PCSK2: variants seen among roughly 807,000 people sequenced by gnomAD.
PCSK2 encodes proprotein convertase subtilisin/kexin type 2.
In PCSK2, 14 loss-of-function variants were observed where a neutral mutation model predicts 69.7. The observed-to-expected ratio is 0.20, with a 90% CI of 0.13 to 0.31. PCSK2 has a LOEUF of 0.31. Among genes scored for constraint, PCSK2 ranks in the 10% least tolerant of loss-of-function variants. PCSK2 has a pLI of 1.00. For missense variants in PCSK2, 544 were observed against 842.5 expected (o/e 0.65, Z 4.39); for synonymous variants, 307 against 320.7 (o/e 0.96, Z 0.46).
intron 1 of PCSK2, among the ~76,000 whole-genome samples, chr20:17,232,090 T>A (rs1368016327): frequency 1.3e-5 from 2 of 152,218 alleles, no homozygotes; most frequent in Non-Finnish European, 2.9e-5. Context: ...GATAAATCTC[T>A]TCACCTTTGC....
At chr20:17,324,045 C>T (rs895558034) in intron 2 of PCSK2, among the ~76,000 whole-genome samples, 15 of 152,218 alleles carry the variant, frequency 9.9e-5, no homozygotes, top group African/African-American at 3.4e-4. Context: ...TCCTCCCTCA[C>T]GTGGGATGAC....
chr20:17,248,092 G>T lies in PCSK2; in HGVS notation c.178-12148G>T, dbSNP rs150520455. On this transcript the variant is annotated intron_variant, in intron 1 of 11. Transcript: ENST00000262545. The stretch of plus-strand genomic sequence containing the variant: ...TCTTCAAGCTGACAATTTGCTGCGA[G>T]TTCTTCATTCACTTCTTTTTCTCCT... Among the ~76,000 whole-genome samples the T allele has an allele frequency of 3.2e-3, 492 of 152,074 alleles. 3 individuals are homozygous for T. The highest frequency in any genetic ancestry group is 0.02 in the Middle Eastern group (6 of 294).
intron 2 of PCSK2, among the ~76,000 whole-genome samples, chr20:17,309,021 G>T (rs902908480): frequency 6.6e-6 from 1 of 152,206 alleles, no homozygotes; most frequent in Non-Finnish European, 1.5e-5. Flanking sequence ...CTTGATGGAA[G>T]AATCTGAAAA....
chr20:17,373,039 T>A (rs1342748125), intron 5 of PCSK2, among the ~76,000 whole-genome samples: 1 of 152,194 alleles, frequency 6.6e-6, no homozygotes, highest in Non-Finnish European at 1.5e-5. Context: ...AGTGACCTAA[T>A]GGCTTGGAGG....
At chr20:17,424,474 T>C (rs1270338914) in intron 6 of PCSK2, among the ~76,000 whole-genome samples, 2 of 152,098 alleles carry the variant, frequency 1.3e-5, no homozygotes, top group Non-Finnish European at 2.9e-5. Context: ...AGATTTATGT[T>C]GTTTCTTGGC....
At chr20:17,450,921 G>T (rs1266956998) in intron 8 of PCSK2, among the ~76,000 whole-genome samples, 2 of 152,100 alleles carry the variant, frequency 1.3e-5, no homozygotes, top group Non-Finnish European at 2.9e-5. Flanking sequence ...AGGGTGGCAT[G>T]CCAGCAACAG....
In PCSK2 at chr20:17,436,709, C is replaced by G; in HGVS notation, c.711C>G (p.Gly237=). The G allele has an allele frequency of 6.2e-7, 1 of 1,611,128 alleles. No individual in the cohort carries two copies. The change falls in exon 8 of 12, where the codon GGC becomes GGG. Residue 237 remains glycine, a splice_region_variant and synonymous_variant. Transcript: ENST00000262545. ...VGVAYNSKVA[G]IRMLDQPFMT... is the part of the protein sequence containing the mutation. ...GTCCTCTGCTCAACGTGTCCACAGG[C>G]ATCCGGATGCTGGACCAGCCATTCA...
chr20:17,227,079 C>G lies in PCSK2; in HGVS notation c.-227C>G. 3.6e-6 allele frequency: 2 copies of G among 547,986 alleles called. No homozygotes were observed. The highest frequency in any genetic ancestry group is 6.5e-6 in the Non-Finnish European group (2 of 310,042). 33.9% of individuals were successfully genotyped at this position (547,986 alleles called of 1,614,324 possible). A position where few individuals can be genotyped will look rare whatever the true frequency, so the allele number is the denominator to read the frequency against. On this transcript the variant is annotated 5_prime_UTR_variant, in exon 1 of 12. Coordinates refer to ENST00000262545, the MANE Select transcript of PCSK2 (RefSeq NM_002594.5). ...GTACACACAGCTCCCCACATTCGCA[C>G]CCCTGCCCGCGCGCCGGGCCGCCTG... is the stretch of plus-strand genomic sequence containing the variant.
chr20:17,377,760 G>A (rs529101339), intron 5 of PCSK2, among the ~76,000 whole-genome samples: 77 of 152,282 alleles, frequency 5.1e-4, no homozygotes, highest in African/African-American at 1.7e-3. Flanking sequence ...TTGATAGACC[G>A]TCAGTCAAAT....
Position 17,290,831 on chromosome 20 carries a change from G to A in PCSK2, c.282+30487G>A, listed in dbSNP as rs547309496. The stretch of plus-strand genomic sequence containing the variant: ...TCCGAGAGCATGGTGCTGGCATCTG[G>A]TGAGGACCTTCTTGTGTTAACCCAT... On this transcript the variant is annotated intron_variant, in intron 2 of 11. Transcript: ENST00000262545. Among the ~76,000 whole-genome samples, 3 of 152,278 alleles carry A rather than the reference G, an allele frequency of 2.0e-5. No individual in the cohort carries two copies. In the South Asian group the frequency reaches 6.2e-4, roughly 32 times the overall value.
chr20:17,349,841 C>T (rs560521644), intron 2 of PCSK2, among the ~76,000 whole-genome samples: 9 of 151,932 alleles, frequency 5.9e-5, no homozygotes, highest in South Asian at 2.1e-4. Flanking sequence ...TTTTAAACAC[C>T]GCTGAGGCCA....
intron 6 of PCSK2, among the ~76,000 whole-genome samples, chr20:17,424,219 T>C (rs1465714487): frequency 6.6e-6 from 1 of 152,172 alleles, no homozygotes; most frequent in Non-Finnish European, 1.5e-5. Context: ...GCACTAAAAA[T>C]GGATGAACTA....
At chr20:17,380,439 G>C (rs1458162653) in intron 5 of PCSK2, among the ~76,000 whole-genome samples, 1 of 152,184 alleles carries the variant, frequency 6.6e-6, no homozygotes, top group Admixed American at 6.5e-5. Flanking sequence ...GTTAAGAAGA[G>C]CTCTTGGGCC....
chr20:17,407,988 A>G (rs571853151), intron 5 of PCSK2, among the ~76,000 whole-genome samples: 1 of 152,316 alleles, frequency 6.6e-6, no homozygotes, highest in Admixed American at 6.5e-5. Flanking sequence ...ACAAAAATTA[A>G]TGGAATTAGT....
chr20:17,387,529 A>G (rs1026655995), intron 5 of PCSK2, among the ~76,000 whole-genome samples: 2 of 152,188 alleles, frequency 1.3e-5, no homozygotes, highest in African/African-American at 4.8e-5. Flanking sequence ...CCTTGCACGT[A>G]GCTCTCCACA....
At chr20:17,382,827 T>A (rs568100503) in intron 5 of PCSK2, among the ~76,000 whole-genome samples, 4 of 152,304 alleles carry the variant, frequency 2.6e-5, no homozygotes, top group South Asian at 4.1e-4. Flanking sequence ...CCTGTTTGCC[T>A]TTGTCCTGCT....
intron 11 of PCSK2, 95 bp from the exon 12 acceptor site, chr20:17,481,489 C>T: frequency 8.9e-7 from 1 of 1,128,108 alleles, no homozygotes. Flanking sequence ...AACCCCAAAG[C>T]CCTTGCCCTT....
intron 6 of PCSK2, among the ~76,000 whole-genome samples, chr20:17,415,164 T>A (rs1018655000): frequency 3.3e-5 from 5 of 152,142 alleles, no homozygotes; most frequent in African/African-American, 1.2e-4. Context: ...CTATTCAACA[T>A]AGTGTTGGAA....
At chr20:17,393,580 TC>T (rs2031439585) in intron 5 of PCSK2, among the ~76,000 whole-genome samples, 3 of 152,184 alleles carry the variant, frequency 2.0e-5, no homozygotes, top group Non-Finnish European at 4.4e-5. Flanking sequence ...TTCTTTTTTT[TC>T]AATCACTATT....
Sources: allele counts gnomAD v4.1 joint callset (sites outside exome capture counted in the v4.1 genomes callset), GRCh38; gene constraint gnomAD v4.1.1; transcripts MANE v1.5; gene names NCBI Gene and HGNC (gene_info 2026-07-23, HGNC 2026-07-21).